Variants in GARIN6 observed in about 807,000 individuals in gnomAD.
GARIN6 encodes Golgi-associated RAB2 interactor protein 6.
At chr12:99,648,736 G>T in the GARIN6 span, 1 of 1,613,856 alleles carries the variant, frequency 6.2e-7, no homozygotes, top group Non-Finnish European at 8.5e-7. Context: ...GGCTATCCTA[G>T]CTGGGAACAC....
chr12:99,649,044 T>A, the GARIN6 span, among the ~76,000 whole-genome samples: 1 of 152,178 alleles, frequency 6.6e-6, no homozygotes, highest in African/African-American at 2.4e-5. Flanking sequence ...CAGCTGTTCA[T>A]TTTATATCAA....
chr12:99,649,411 T>A, the GARIN6 span: 3 of 1,591,464 alleles, frequency 1.9e-6, no homozygotes, highest in African/African-American at 4.0e-5. Flanking sequence ...CCAACATACC[T>A]CCCACATATA....
At chr12:99,648,219 C>T in the GARIN6 span, 1 of 1,614,034 alleles carries the variant, frequency 6.2e-7, no homozygotes, top group African/African-American at 1.3e-5. Flanking sequence ...CCCAAAGCAG[C>T]CCCGCAATGG....
At chr12:99,649,553 C>A in the GARIN6 span, 1 of 608,630 alleles carries the variant, frequency 1.6e-6, no homozygotes, top group East Asian at 2.8e-5. Flanking sequence ...GCAACCAAGT[C>A]TGCAGACTCA....
chr12:99,647,987 G>T, the GARIN6 span: 1 of 721,164 alleles, frequency 1.4e-6, no homozygotes, highest in Non-Finnish European at 2.2e-6. Context: ...ACTGTCTCTG[G>T]CATTGAGCGG....
chr12:99,648,772 G>A, the GARIN6 span: 1 of 1,611,440 alleles, frequency 6.2e-7, no homozygotes, highest in Non-Finnish European at 8.5e-7. Context: ...GTTGGAGGAA[G>A]TGCAGAGGAG....
chr12:99,649,203 A>G, the GARIN6 span: 1,986 of 1,049,102 alleles, frequency 1.9e-3, 21 homozygotes, highest in African/African-American at 0.028. Flanking sequence ...TACTTGTGCA[A>G]TAATTTCTTT....
chr12:99,649,812 T>TCTG, the GARIN6 span: 1 of 151,710 alleles, frequency 6.6e-6, no homozygotes, highest in African/African-American at 2.7e-5. Flanking sequence ...ACAGTATCTC[T>TCTG]CTGCTACTCA....
At chr12:99,649,019 T>C in the GARIN6 span, among the ~76,000 whole-genome samples, 1 of 150,982 alleles carries the variant, frequency 6.6e-6, no homozygotes, top group Non-Finnish European at 1.5e-5. Flanking sequence ...TCAGCAACTC[T>C]TCATTTTATA....
At chr12:99,649,470 C>G in the GARIN6 span, 1 of 1,226,150 alleles carries the variant, frequency 8.2e-7, no homozygotes, top group African/African-American at 1.5e-5. Flanking sequence ...CCTATAGTGC[C>G]TGATGAAGGG....
At chr12:99,649,994 C>T in the GARIN6 span, 1 of 152,690 alleles carries the variant, frequency 6.5e-6, no homozygotes, top group African/African-American at 2.4e-5. Flanking sequence ...GACATCTCAC[C>T]TAAGACTGTG....
At chr12:99,649,545 A>T in the GARIN6 span, 1 of 630,520 alleles carries the variant, frequency 1.6e-6, no homozygotes, top group Non-Finnish European at 2.8e-6. Flanking sequence ...ATGTGGCTGC[A>T]ACCAAGTCTG....
At chr12:99,648,753 C>T in the GARIN6 span, 2 of 1,613,504 alleles carry the variant, frequency 1.2e-6, no homozygotes, top group East Asian at 4.5e-5. Flanking sequence ...ACACATTGGA[C>T]TCATCTGTGT....
At chr12:99,648,595 A>G in the GARIN6 span, 1 of 1,614,176 alleles carries the variant, frequency 6.2e-7, no homozygotes, top group Non-Finnish European at 8.5e-7. Context: ...GCTCCACCTG[A>G]AGCTTGCCAC....
the GARIN6 span, chr12:99,648,051 A>C: frequency 1.5e-6 from 2 of 1,368,134 alleles, no homozygotes; most frequent in Non-Finnish European, 2.0e-6. Flanking sequence ...GACAAAAAAG[A>C]AAGCCTGCAG....
the GARIN6 span, chr12:99,649,406 A>AT: frequency 6.2e-7 from 1 of 1,600,664 alleles, no homozygotes; most frequent in Non-Finnish European, 8.6e-7. Context: ...TGAATCCAAC[A>AT]TACCTCCCAC....
chr12:99,648,329 A>C, the GARIN6 span: 1 of 1,614,070 alleles, frequency 6.2e-7, no homozygotes, highest in Non-Finnish European at 8.5e-7. Flanking sequence ...GACTTTATCC[A>C]GATCAGCAAA....
At chr12:99,649,208 TTC>T in the GARIN6 span, 1 of 1,094,876 alleles carries the variant, frequency 9.1e-7, no homozygotes, top group South Asian at 1.3e-5. Context: ...GTGCAATAAT[TTC>T]TTTTTGTTGT....
At chr12:99,649,298 T>C in the GARIN6 span, 1 of 1,613,732 alleles carries the variant, frequency 6.2e-7, no homozygotes, top group Non-Finnish European at 8.5e-7. Context: ...GGATATGCCA[T>C]GAAGTTTTGT....
Sources: allele counts gnomAD v4.1 joint callset (sites outside exome capture counted in the v4.1 genomes callset), GRCh38; gene constraint gnomAD v4.1.1; transcripts MANE v1.5; gene names NCBI Gene and HGNC (gene_info 2026-07-23, HGNC 2026-07-21).